Variants in RANBP6 observed in about 807,000 individuals in gnomAD.
RANBP6 encodes ran-binding protein 6.
Under a neutral mutation model 35.3 loss-of-function variants are expected in RANBP6, and 10 were observed. The ratio of observed to expected loss-of-function variants is 0.28; its 90% CI spans 0.17 to 0.48. The LOEUF is 0.48. Ranked by LOEUF, RANBP6 falls within the 20% of genes least tolerant of loss-of-function variation. The pLI, the probability that RANBP6 is intolerant of heterozygous loss-of-function variation, is 0.99. For missense variants in RANBP6, 1,392 were observed against 1,307.7 expected, an observed-to-expected ratio of 1.06 and a Z score of -0.99; for synonymous variants, 514 against 464.2, an observed-to-expected ratio of 1.11 and a Z score of -1.38.
At position 6,013,936 on chromosome 9, in the gene RANBP6, G is replaced by T. The variant is rs1239356761; in HGVS notation, c.1672C>A (p.Leu558Ile). Reference sequence around the variant, plus strand: ...ATAGTTTTTCCTCTCAGAAGCTTGAGTTCCTTCTGAACAGCAAGCTCAACA... The same window carrying T: ...ATAGTTTTTCCTCTCAGAAGCTTGATTTCCTTCTGAACAGCAAGCTCAACA... ...HIVELAVQKE[L>I]KLLRGKTIEC... Residue 558 changes from leucine to isoleucine, a missense_variant, in exon 1 of 1, where the codon CTC becomes ATC. Physicochemically the swap from Leu to Ile is conservative, Grantham distance 5 (BLOSUM62 2). Coordinates refer to ENST00000259569, the MANE Select transcript of RANBP6 (RefSeq NM_012416.4). 1 of 1,613,964 alleles carries T rather than the reference G, an allele frequency of 6.2e-7. No individual in the cohort carries two copies. Among genetic ancestry groups the T allele is most frequent in the African/African-American group, 1.3e-5 (1 of 75,056 alleles).
At position 6,013,938 on chromosome 9, in the gene RANBP6, T is replaced by C. The variant is rs1400361905; in HGVS notation, c.1670A>G (p.Glu557Gly). The change falls in exon 1 of 1, where the codon GAA (glutamate) becomes GGA (glycine). Residue 557 changes from glutamate to glycine, a missense_variant. By Grantham distance (98) the Glu-to-Gly change is moderately conservative. Coordinates refer to ENST00000259569, the MANE Select transcript of RANBP6 (RefSeq NM_012416.4). ...AGTTTTTCCTCTCAGAAGCTTGAGT[T>C]CCTTCTGAACAGCAAGCTCAACAAT... The part of the protein sequence containing the change: ...KHIVELAVQK[E>G]LKLLRGKTIE... The C allele has an allele frequency of 6.2e-7, 1 of 1,614,016 alleles. No homozygotes were observed. The highest frequency in any genetic ancestry group is 8.5e-7 in the Non-Finnish European group (1 of 1,180,018).
chr9:6,014,128 C>G lies in RANBP6; in HGVS notation c.1480G>C (p.Val494Leu), dbSNP rs371208661. 3.1e-6 allele frequency: 5 copies of G among 1,613,870 alleles called. No homozygotes were observed. Among genetic ancestry groups the G allele is most frequent in the Middle Eastern group, 1.6e-4 (1 of 6,078 alleles). ...ACCAAGACGGAATGTAGATTTTTCA[C>G]CATACTATCCACATATAGAACTAGC... is the stretch of plus-strand genomic sequence containing the variant. ...SLLVLYVDSMVKNLHSVLVIK... is the reference protein window; with the variant it reads ...SLLVLYVDSMLKNLHSVLVIK... Residue 494 changes from valine (V) to leucine (L), a missense_variant, in exon 1 of 1, where the codon GTG (valine) becomes CTG (leucine). Physicochemically the swap from Val to Leu is conservative, Grantham distance 32. Coordinates refer to ENST00000259569, the MANE Select transcript of RANBP6 (RefSeq NM_012416.4).
rs374051595 is a variant in RANBP6 at position 6,014,002 on chromosome 9, C to A, written c.1606G>T (p.Val536Phe). The A allele has an allele frequency of 2.7e-5, 44 of 1,613,800 alleles. 1 individual carries two copies. The African/African-American group carries it at 5.5e-4, about 20-fold the overall frequency. ...SVADTIEEKF[V>F]PYYDIFMPSL... ...GGCATGAATATATCATAATATGGGA[C>A]AAATTTTTCTTCTATTGTATCTGCA... is the stretch of plus-strand genomic sequence containing the variant. The change falls in exon 1 of 1, where the codon GTC becomes TTC. Residue 536 changes from valine to phenylalanine, a missense_variant. Physicochemically the swap from Val to Phe is conservative, Grantham distance 50. Transcript: ENST00000259569.
At position 6,014,433 on chromosome 9, in the gene RANBP6, G is replaced by A; in HGVS notation, c.1175C>T (p.Ala392Val). 1 of 1,614,150 alleles carries A rather than the reference G, an allele frequency of 6.2e-7. No individual in the cohort carries two copies. The highest frequency in any genetic ancestry group is 8.5e-7 in the Non-Finnish European group (1 of 1,180,030). ...YRHAGLMALSAIGEGCHQQME... is the reference protein window; with the variant it reads ...YRHAGLMALSVIGEGCHQQME... ...TTGTTGATGGCATCCTTCTCCAATG[G>A]CAGATAAGGCCATTAATCCAGCATG... is the stretch of plus-strand genomic sequence containing the variant. Residue 392 changes from alanine to valine, a missense_variant, in exon 1 of 1, where the codon GCC (alanine) becomes GTC (valine). Coordinates refer to ENST00000259569, the MANE Select transcript of RANBP6 (RefSeq NM_012416.4).
At position 6,014,260 on chromosome 9, in the gene RANBP6, C is replaced by T. The variant is rs1284843430; in HGVS notation, c.1348G>A (p.Val450Met). The T allele has an allele frequency of 1.2e-6, 2 of 1,614,186 alleles. No individual in the cohort carries two copies. Among genetic ancestry groups the T allele is most frequent in the Non-Finnish European group, 1.7e-6 (2 of 1,180,032 alleles). Residue 450 changes from valine (V) to methionine (M), a missense_variant, in exon 1 of 1, where the codon GTG (valine) becomes ATG (methionine). Transcript: ENST00000259569. ...PNFQKKFHET[V>M]IAALLRTMEN... ...ATGGTACGTAACAGAGCTGCAATCACTGTTTCATGAAATTTCTTTTGGAAA... is the reference window on the plus strand; with the variant it reads ...ATGGTACGTAACAGAGCTGCAATCATTGTTTCATGAAATTTCTTTTGGAAA...
In RANBP6 at chr9:6,014,620, C is replaced by T. The variant is rs1031422413; in HGVS notation, c.988G>A (p.Val330Ile). The T allele has an allele frequency of 3.7e-6, 6 of 1,614,078 alleles. No individual in the cohort carries two copies. The African/African-American group carries it at 6.7e-5, about 18-fold the overall frequency. The change falls in exon 1 of 1, where the codon GTA becomes ATA. Residue 330 changes from valine to isoleucine, a missense_variant. Transcript: ENST00000259569. Reference sequence around the variant, plus strand: ...TCTTCTTCCATTTCATCAGCATTTACCCAGTCCTCATCATCTTGTAGATCA... The same window carrying T: ...TCTTCTTCCATTTCATCAGCATTTATCCAGTCCTCATCATCTTGTAGATCA... ...MVDLQDDEDW[V>I]NADEMEEDDF...
chr9:6,013,923 C>T lies in RANBP6; in HGVS notation c.1685G>A (p.Arg562Lys), dbSNP rs1277375700. Reference protein sequence around the residue: ...LAVQKELKLLRGKTIECISHI... With the variant: ...LAVQKELKLLKGKTIECISHI... The stretch of plus-strand genomic sequence containing the variant: ...GCTAATGCACTCGATAGTTTTTCCT[C>T]TCAGAAGCTTGAGTTCCTTCTGAAC... Residue 562 changes from arginine to lysine, a missense_variant, in exon 1 of 1, where the codon AGA becomes AAA. By Grantham distance (26) the Arg-to-Lys change is conservative (BLOSUM62 2). Transcript: ENST00000259569. 1.2e-6 allele frequency: 2 copies of T among 1,613,876 alleles called. No homozygotes were observed. The highest frequency in any genetic ancestry group is 2.7e-5 in the African/African-American group (2 of 74,934).
rs1289946602 is a variant in RANBP6, at chr9:6,015,560, C to A, written c.48G>T (p.Lys16Asn). Residue 16 changes from lysine to asparagine, a missense_variant, in exon 1 of 1, where the codon AAG becomes AAT. Transcript: ENST00000259569. Reference protein sequence around the residue: ...SAGVPATVSEKQEFYQLLKNL... With the variant: ...SAGVPATVSENQEFYQLLKNL... ...TCTTCAGAAGCTGGTAAAACTCTTGCTTTTCTGACACGGTCGCCGGCACCC... is the reference window on the plus strand; with the variant it reads ...TCTTCAGAAGCTGGTAAAACTCTTGATTTTCTGACACGGTCGCCGGCACCC... 1 of 1,608,336 alleles carries A rather than the reference C, an allele frequency of 6.2e-7. No homozygotes were observed. Among genetic ancestry groups the A allele is most frequent in the Non-Finnish European group, 8.5e-7 (1 of 1,179,644 alleles).
chr9:6,013,872 T>G lies in RANBP6; in HGVS notation c.1736A>C (p.Glu579Ala). 2 of 1,613,968 alleles carry G rather than the reference T, an allele frequency of 1.2e-6. No homozygotes were observed. The highest frequency in any genetic ancestry group is 1.7e-6 in the Non-Finnish European group (2 of 1,179,964). Residue 579 changes from glutamate (E) to alanine (A), a missense_variant, in exon 1 of 1, where the codon GAA (glutamate) becomes GCA (alanine). By Grantham distance (107) the Glu-to-Ala change is moderately radical (BLOSUM62 -1). Coordinates refer to ENST00000259569, the MANE Select transcript of RANBP6 (RefSeq NM_012416.4). ...ISHIGLAVGKEKFMQDASNVM... is the reference protein window; with the variant it reads ...ISHIGLAVGKAKFMQDASNVM... ...ATTTGATGCATCTTGCATAAATTTT[T>G]CCTTCCCAACAGCAAGACCAATATG...
rs1379829329 is a variant in RANBP6, at chr9:6,014,321, A to T, written c.1287T>A (p.Thr429=). 3 of 1,614,134 alleles carry T rather than the reference A, an allele frequency of 1.9e-6. No homozygotes were observed. The African/African-American group carries it at 4.0e-5, about 22-fold the overall frequency. ...AATCTGTAGCCATCTGTCCAAGTGT[A>T]GTACAGGCTGCAGCCCTCACCCTTG... ...PHPRVRAAAC[T]TLGQMATDFA... The change falls in exon 1 of 1, where the codon ACT becomes ACA. Residue 429 remains threonine (T), a synonymous_variant. Transcript: ENST00000259569.
rs144799861 is a variant in RANBP6, at chr9:6,014,475, G to C, written c.1133C>G (p.Pro378Arg). The C allele has an allele frequency of 1.4e-5, 22 of 1,614,074 alleles. No individual in the cohort carries two copies. The highest frequency in any genetic ancestry group is 1.7e-5 in the Admixed American group (1 of 60,008). ...TCCAGCATGTCGATACTTCCAGTCA[G>C]GGCTCTGAAGCATCTGCATGATATG... ...KEHIMQMLQS[P>R]DWKYRHAGLM... Residue 378 changes from proline to arginine, a missense_variant, in exon 1 of 1, where the codon CCT (proline) becomes CGT (arginine). Coordinates refer to ENST00000259569, the MANE Select transcript of RANBP6 (RefSeq NM_012416.4).
In RANBP6 at chr9:6,012,714, C is replaced by T; in HGVS notation, c.2894G>A (p.Cys965Tyr). 3 of 1,613,936 alleles carry T rather than the reference C, an allele frequency of 1.9e-6. No homozygotes were observed. The highest frequency in any genetic ancestry group is 2.5e-6 in the Non-Finnish European group (3 of 1,179,970). ...AVPLLVKVIK[C>Y]ANSKTKKNVI... The stretch of plus-strand genomic sequence containing the variant: ...ATTTTTTTTGGTTTTGGAATTTGCA[C>T]ACTTAATAACTTTTACCAGAAGTGG... The change falls in exon 1 of 1, where the codon TGT becomes TAT. Residue 965 changes from cysteine to tyrosine, a missense_variant. By Grantham distance (194) the Cys-to-Tyr change is radical. Coordinates refer to ENST00000259569, the MANE Select transcript of RANBP6 (RefSeq NM_012416.4).
In RANBP6 at chr9:6,012,349, C is replaced by A; in HGVS notation, c.3259G>T (p.Val1087Leu). ...TGCTGTTCATCATCAAGTTGTGATACACATTCCAACCATAAATCTTCAGAA... is the reference window on the plus strand; with the variant it reads ...TGCTGTTCATCATCAAGTTGTGATAAACATTCCAACCATAAATCTTCAGAA... ...QTSEDLWLECVSQLDDEQQEA... is the reference protein window; with the variant it reads ...QTSEDLWLECLSQLDDEQQEA... The change falls in exon 1 of 1, where the codon GTA becomes TTA. Residue 1087 changes from valine (V) to leucine (L), a missense_variant. By Grantham distance (32) the Val-to-Leu change is conservative. Transcript: ENST00000259569. 1 of 1,606,546 alleles carries A rather than the reference C, an allele frequency of 6.2e-7. No individual in the cohort carries two copies. Among genetic ancestry groups the A allele is most frequent in the Admixed American group, 1.7e-5 (1 of 57,942 alleles).
In RANBP6 at chr9:6,015,178, G is replaced by A. The variant is rs770136669; in HGVS notation, c.430C>T (p.Leu144Phe). Residue 144 changes from leucine (L) to phenylalanine (F), a missense_variant, in exon 1 of 1, where the codon CTT becomes TTT. Physicochemically the swap from Leu to Phe is conservative, Grantham distance 22. Coordinates refer to ENST00000259569, the MANE Select transcript of RANBP6 (RefSeq NM_012416.4). ...TNHWPEGLKF[L>F]IDSIYSKNVV... ...TTTTTGGAGTAGATTGAATCAATAA[G>A]AAACTTCAGACCTTCCGGCCAGTGG... 5.6e-6 allele frequency: 9 copies of A among 1,614,136 alleles called. No homozygotes were observed. Among genetic ancestry groups the A allele is most frequent in the Non-Finnish European group, 7.6e-6 (9 of 1,180,046 alleles).
rs1239356761 is a variant in RANBP6, at chr9:6,013,936, G to A, written c.1672C>T (p.Leu558Phe). Residue 558 changes from leucine to phenylalanine, a missense_variant, in exon 1 of 1, where the codon CTC (leucine) becomes TTC (phenylalanine). Physicochemically the swap from Leu to Phe is conservative, Grantham distance 22. Transcript: ENST00000259569. ...HIVELAVQKE[L>F]KLLRGKTIEC... ...ATAGTTTTTCCTCTCAGAAGCTTGA[G>A]TTCCTTCTGAACAGCAAGCTCAACA... The A allele has an allele frequency of 1.2e-6, 2 of 1,613,964 alleles. No individual in the cohort carries two copies. The highest frequency in any genetic ancestry group is 1.7e-6 in the Non-Finnish European group (2 of 1,180,006).
At position 6,013,799 on chromosome 9, in the gene RANBP6, T is replaced by C. The variant is rs1842522445; in HGVS notation, c.1809A>G (p.Glu603=). Residue 603 remains glutamate, a synonymous_variant, in exon 1 of 1, where the codon GAA becomes GAG. Coordinates refer to ENST00000259569, the MANE Select transcript of RANBP6 (RefSeq NM_012416.4). ...TGTAAGAGGTCTGAGGGTCATCATC[T>C]TCCATATTATTTAAGTCTGATTGTG... The part of the protein sequence containing the change: ...LKTQSDLNNM[E]DDDPQTSYMV... 1.2e-6 allele frequency: 2 copies of C among 1,613,794 alleles called. No homozygotes were observed. The highest frequency in any genetic ancestry group is 3.3e-5 in the Admixed American group (2 of 60,014).
At position 6,013,337 on chromosome 9, in the gene RANBP6, T is replaced by C; in HGVS notation, c.2271A>G (p.Ile757Met). ...PEYLAQMWQFICDPLIKAIGT... is the reference protein window; with the variant it reads ...PEYLAQMWQFMCDPLIKAIGT... Reference sequence around the variant, plus strand: ...CAATAGCCTTGATTAAGGGGTCACATATGAATTGCCACATCTGTGCAAGAT... The same window carrying C: ...CAATAGCCTTGATTAAGGGGTCACACATGAATTGCCACATCTGTGCAAGAT... Residue 757 changes from isoleucine (I) to methionine (M), a missense_variant, in exon 1 of 1, where the codon ATA becomes ATG. By Grantham distance (10) the Ile-to-Met change is conservative. Transcript: ENST00000259569. 6.2e-7 allele frequency: 1 copy of C among 1,614,180 alleles called. No homozygotes were observed. Among genetic ancestry groups the C allele is most frequent in the Non-Finnish European group, 8.5e-7 (1 of 1,179,998 alleles).
chr9:6,015,320 A>G lies in RANBP6; in HGVS notation c.288T>C (p.Asp96=). 7 of 1,614,202 alleles carry G rather than the reference A, an allele frequency of 4.3e-6. No homozygotes were observed. The highest frequency in any genetic ancestry group is 5.9e-6 in the Non-Finnish European group (7 of 1,180,046). Residue 96 remains aspartate (D), a synonymous_variant, in exon 1 of 1, where the codon GAT becomes GAC. Coordinates refer to ENST00000259569, the MANE Select transcript of RANBP6 (RefSeq NM_012416.4). ...YPNLPADVQR[D]VKIELILAVK... Reference sequence around the variant, plus strand: ...CAGCCAGAATCAGTTCAATCTTGACATCTCTCTGAACATCAGCAGGCAGAT... The same window carrying G: ...CAGCCAGAATCAGTTCAATCTTGACGTCTCTCTGAACATCAGCAGGCAGAT...
In RANBP6 at chr9:6,013,794, T is replaced by C; in HGVS notation, c.1814A>G (p.Asp605Gly). Reference protein sequence around the residue: ...TQSDLNNMEDDDPQTSYMVSA... With the variant: ...TQSDLNNMEDGDPQTSYMVSA... Reference sequence around the variant, plus strand: ...AACCATGTAAGAGGTCTGAGGGTCATCATCTTCCATATTATTTAAGTCTGA... The same window carrying C: ...AACCATGTAAGAGGTCTGAGGGTCACCATCTTCCATATTATTTAAGTCTGA... Residue 605 changes from aspartate to glycine, a missense_variant, in exon 1 of 1, where the codon GAT becomes GGT. Physicochemically the swap from Asp to Gly is moderately conservative, Grantham distance 94. Transcript: ENST00000259569. 1 of 1,613,890 alleles carries C rather than the reference T, an allele frequency of 6.2e-7. No individual in the cohort carries two copies. The highest frequency in any genetic ancestry group is 2.2e-5 in the East Asian group (1 of 44,886).
Sources: allele counts gnomAD v4.1 joint callset, GRCh38; gene constraint gnomAD v4.1.1; transcripts MANE v1.5; gene names NCBI Gene and HGNC (gene_info 2026-07-23, HGNC 2026-07-21).